The following ESPN variants were observed in gnomAD, a reference collection of about 807,000 sequenced individuals.
The protein encoded by ESPN is autosomal recessive deafness type 36 protein.
A neutral mutation model predicts 77.7 loss-of-function variants in ESPN; 68 were observed. The ratio of observed to expected loss-of-function variants is 0.87; its 90% CI spans 0.72 to 1.07. The LOEUF is 1.07. ESPN is among the 50% of genes least tolerant of loss of function. The probability of loss-of-function intolerance (pLI) is 0.00; values close to 1 mark genes in which losing one functional copy is unlikely to be tolerated. For missense variants in ESPN, 1,060 were observed against 1,239.0 expected, an observed-to-expected ratio of 0.86 and a Z score of 2.17; for synonymous variants, 449 against 567.1, an observed-to-expected ratio of 0.79 and a Z score of 2.96.
Position 6,450,338 on chromosome 1 carries a change from CCCCG to C in ESPN, c.1915+1253_1915+1256del. The stretch of plus-strand genomic sequence containing the variant: ...GCTCCTCCTCTCTTCTCCACTTCCC[CCCCG>C]CCCGCTCTCCCTGGCCCGCTCCCTG... On this transcript the variant is annotated intron_variant, in intron 8 of 12. Transcript: ENST00000645284. This position sits in a 1 kb window ranked among gnomAD's most constrained non-coding sequence, Gnocchi z 4.3. 1 of 261,842 alleles carries C rather than the reference CCCCG, an allele frequency of 3.8e-6. No individual in the cohort carries two copies. The highest frequency in any genetic ancestry group is 6.0e-6 in the Non-Finnish European group (1 of 168,048). 16.2% of individuals were successfully genotyped at this position (261,842 alleles called of 1,614,324 possible).
intron 10 of ESPN, 106 bp downstream of exon 10, chr1:6,452,202 C>A: frequency 6.9e-6 from 7 of 1,017,616 alleles, no homozygotes; most frequent in Non-Finnish European, 9.2e-6. Context: ...CATTTTCTTT[C>A]TTTTTTTTTT....
In ESPN at chr1:6,447,290, G is replaced by A. The variant is rs1167343221; in HGVS notation, c.1465-1351G>A. ...CAGGCGCCAGGGCCGGGGCCCGGAC[G>A]CTCCACAAAGGGCTCTTTGTGTCGC... On this transcript the variant is annotated intron_variant, in intron 7 of 12. Coordinates refer to ENST00000645284, the MANE Select transcript of ESPN (RefSeq NM_031475.3). The surrounding 1 kb of genome is among the most constrained non-coding windows in gnomAD (Gnocchi z 5.2). 6.6e-6 allele frequency: 1 copy of A among 152,272 alleles called. No homozygotes were observed. The highest frequency in any genetic ancestry group is 2.4e-5 in the African/African-American group (1 of 41,460). The allele number at this position is 152,272 out of a possible 1,614,324, so 9.4% of individuals were successfully genotyped here.
At chr1:6,432,045 T>C (rs1482054566) in intron 2 of ESPN, among the ~76,000 whole-genome samples, 1 of 152,208 alleles carries the variant, frequency 6.6e-6, no homozygotes, top group Non-Finnish European at 1.5e-5. Context: ...GTCCAGGTCC[T>C]AATCACTCAG....
rs147668963 is a variant in ESPN at position 6,451,961 on chromosome 1, G to A, written c.2190G>A (p.Pro730=). Residue 730 remains proline (P), a synonymous_variant, in exon 10 of 13, where the codon CCG becomes CCA. Coordinates refer to ENST00000645284, the MANE Select transcript of ESPN (RefSeq NM_031475.3). This position sits in a 1 kb window ranked among gnomAD's most constrained non-coding sequence, Gnocchi z 4.3. ...CCGTGCCGCCCACTACTCCTGCGCC[G>A]GGAGTGCAGCTGGACGTGGAGGCTC... The part of the protein sequence containing the change: ...LVPVPPTTPA[P]GVQLDVEALI... 2.0e-5 allele frequency: 32 copies of A among 1,610,636 alleles called. No individual in the cohort carries two copies. Among genetic ancestry groups the A allele is most frequent in the Admixed American group, 3.3e-5 (2 of 59,772 alleles).
intron 2 of ESPN, among the ~76,000 whole-genome samples, chr1:6,434,497 C>G (rs1157942128): frequency 1.3e-5 from 2 of 152,172 alleles, no homozygotes; most frequent in Non-Finnish European, 1.5e-5. Flanking sequence ...TCCACTCTGC[C>G]TATAGCTCAT....
chr1:6,440,519 C>A, intron 3 of ESPN, 79 bp downstream of exon 3: 1 of 292,842 alleles, frequency 3.4e-6, no homozygotes, highest in South Asian at 5.8e-5. Context: ...GCGGGGCCAT[C>A]AGGGGTGGGG....
At position 6,448,729 on chromosome 1, in the gene ESPN, AC is replaced by A; in HGVS notation, c.1554del (p.Tyr519ThrfsTer127). 1.3e-6 allele frequency: 2 copies of A among 1,489,944 alleles called. No homozygotes were observed. The highest frequency in any genetic ancestry group is 1.5e-5 in the African/African-American group (1 of 68,708). The allele number at this position is 1,489,944 out of a possible 1,614,324, so 92.3% of individuals were successfully genotyped here. A position where few individuals can be genotyped will look rare whatever the true frequency, so the allele number is the denominator to read the frequency against. ...RAFSKQPSTG[D>X]YYRQLGRCPG... The stretch of plus-strand genomic sequence containing the variant: ...TTCAGCAAGCAGCCCAGCACGGGGG[AC>A]TACTACCGGCAGCTGGGCCGCTGCC... On this transcript the variant is annotated frameshift_variant, in exon 8 of 13. Transcript: ENST00000645284. LOFTEE classifies it high-confidence loss of function.
downstream of ESPN, chr1:6,461,016 T>C: frequency 2.5e-6 from 1 of 400,328 alleles, no homozygotes; most frequent in East Asian, 7.1e-5. The surrounding 1 kb of genome is among the most constrained non-coding windows in gnomAD (Gnocchi z 6.3). Flanking sequence ...AGGGGCAGGC[T>C]TGGGAGCTAA....
rs1030824028 is a variant in ESPN at position 6,450,078 on chromosome 1, G to A, written c.1915+987G>A. 2.6e-5 allele frequency among the ~76,000 whole-genome samples: 4 copies of A among 152,176 alleles called. No homozygotes were observed. Among genetic ancestry groups the A allele is most frequent in the African/African-American group, 9.7e-5 (4 of 41,438 alleles). ...TCTTCCCTCCACAGCCTGCAGCAGG[G>A]CTGAAGCTAAGGGCAGAGAAAAACA... On this transcript the variant is annotated intron_variant, in intron 8 of 12. Transcript: ENST00000645284. The surrounding 1 kb of genome is among the most constrained non-coding windows in gnomAD (Gnocchi z 4.3).
In ESPN at chr1:6,425,160, A is replaced by C. The variant is rs746822694; in HGVS notation, c.205A>C (p.Asn69His). 5.3e-6 allele frequency: 8 copies of C among 1,518,758 alleles called. No homozygotes were observed. In the South Asian group the frequency reaches 9.7e-5, roughly 18 times the overall value. The allele number at this position is 1,518,758 out of a possible 1,614,324, so 94.1% of individuals were successfully genotyped here. A position where few individuals can be genotyped will look rare whatever the true frequency, so the allele number is the denominator to read the frequency against. ...CCTCCCCGCCGCGGCCCGCGCCCGC[A>C]ACGGCGCCACACCGGCCCACGACGC... ...AALPAAARARNGATPAHDASA... is the reference protein window; with the variant it reads ...AALPAAARARHGATPAHDASA... Residue 69 changes from asparagine (N) to histidine (H), a missense_variant, in exon 1 of 13, where the codon AAC becomes CAC. Physicochemically the swap from Asn to His is moderately conservative, Grantham distance 68. This residue lies in a region of ESPN where 556 missense variants were observed against 633.6 expected (regional missense o/e 0.88). Transcript: ENST00000645284.
At position 6,424,915 on chromosome 1, in the gene ESPN, GA is replaced by G. The variant is rs1259864586; in HGVS notation, c.-39del. 7.0e-7 allele frequency: 1 copy of G among 1,421,802 alleles called. No homozygotes were observed. Among genetic ancestry groups the G allele is most frequent in the Non-Finnish European group, 9.2e-7 (1 of 1,089,864 alleles). 88.1% of individuals were successfully genotyped at this position (1,421,802 alleles called of 1,614,324 possible). A position where few individuals can be genotyped will look rare whatever the true frequency, so the allele number is the denominator to read the frequency against. On this transcript the variant is annotated 5_prime_UTR_variant, in exon 1 of 13. An upstream open reading frame in the 5' UTR loses its in-frame stop. Coordinates refer to ENST00000645284, the MANE Select transcript of ESPN (RefSeq NM_031475.3). ...AAGAACACGTGCATGGCGTCCTGGG[GA>G]AGGCGCTGAGTGCGGAGTCGCGGCG...
chr1:6,440,603 C>CACAAG, intron 3 of ESPN, 23 bp from the exon 4 acceptor site: 12 of 1,261,234 alleles, frequency 9.5e-6, no homozygotes, highest in East Asian at 2.9e-5. Flanking sequence ...CCCCGCCCCC[C>CACAAG]TCTCCCCGCC....
At chr1:6,456,531 C>G (rs977776158) in intron 10 of ESPN, 32 of 198,442 alleles carry the variant, frequency 1.6e-4, no homozygotes, top group Non-Finnish European at 2.6e-4. Context: ...GTGGCCTGCT[C>G]TTTGGTTTTC....
rs1484889446 is a variant in ESPN, at chr1:6,425,115, T to G, written c.160T>G (p.Phe54Val). The change falls in exon 1 of 13, where the codon TTC (phenylalanine) becomes GTC (valine). Residue 54 changes from phenylalanine to valine, a missense_variant. Transcript: ENST00000645284. Reference protein sequence around the residue: ...ARAGKLHCLRFLVEEAALPAA... With the variant: ...ARAGKLHCLRVLVEEAALPAA... ...CGCTGGGAAGCTGCACTGTCTGCGC[T>G]TCCTGGTGGAGGAAGCCGCCCTCCC... 8.0e-6 allele frequency: 12 copies of G among 1,508,576 alleles called. No homozygotes were observed. Among genetic ancestry groups the G allele is most frequent in the Non-Finnish European group, 3.5e-6 (4 of 1,136,660 alleles). The allele number at this position is 1,508,576 out of a possible 1,614,324, so 93.4% of individuals were successfully genotyped here.
At chr1:6,456,644 T>C (rs1644062865) in intron 10 of ESPN, 1 of 215,730 alleles carries the variant, frequency 4.6e-6, no homozygotes, top group Non-Finnish European at 9.2e-6. Flanking sequence ...CTCTGTAACA[T>C]TCAGGAAATA....
At chr1:6,445,551 C>G (rs1643796871) in intron 6 of ESPN, 113 bp from the exon 7 acceptor site, 1 of 1,228,444 alleles carries the variant, frequency 8.1e-7, no homozygotes, top group Non-Finnish European at 1.2e-6. Context: ...CAAGTGGTGC[C>G]CGGAGCCCAC....
intron 10 of ESPN, chr1:6,454,990 G>C (rs1341317212): frequency 2.4e-5 from 9 of 377,342 alleles, no homozygotes; most frequent in East Asian, 3.8e-5. Context: ...CTGCGCGCAC[G>C]GGGCGCGGCG....
rs1394364164 is a variant in ESPN at position 6,425,195 on chromosome 1, C to T, written c.240C>T (p.Thr80=). ...GATPAHDASA[T]GHLACLQWLL... ...CACCGGCCCACGACGCCTCCGCCAC[C>T]GGCCACCTCGCCTGCCTGCAGTGGC... The change falls in exon 1 of 13, where the codon ACC becomes ACT. Residue 80 remains threonine, a synonymous_variant. Coordinates refer to ENST00000645284, the MANE Select transcript of ESPN (RefSeq NM_031475.3). 2 of 1,544,288 alleles carry T rather than the reference C, an allele frequency of 1.3e-6. No individual in the cohort carries two copies. The highest frequency in any genetic ancestry group is 1.7e-6 in the Non-Finnish European group (2 of 1,152,464).
intron 2 of ESPN, among the ~76,000 whole-genome samples, chr1:6,434,122 C>G (rs1643348166): frequency 6.6e-6 from 1 of 152,160 alleles, no homozygotes; most frequent in South Asian, 2.1e-4. Context: ...AGGCTGGTCT[C>G]CAACTCCTGA....
Sources: allele counts gnomAD v4.1 joint callset (sites outside exome capture counted in the v4.1 genomes callset), GRCh38; gene constraint gnomAD v4.1.1; regional missense constraint gnomAD v4.1.1; non-coding constraint Gnocchi (gnomAD v3.1); transcripts MANE v1.5; gene names NCBI Gene and HGNC (gene_info 2026-07-23, HGNC 2026-07-21).